NRXN1: variants seen among roughly 807,000 people sequenced by gnomAD.
NRXN1 encodes the protein neurexin 1.
A neutral mutation model predicts 150.9 loss-of-function variants in NRXN1; 39 were observed. The ratio of observed to expected loss-of-function variants is 0.26; its 90% CI spans 0.20 to 0.34. The LOEUF (loss-of-function observed/expected upper bound fraction) is 0.34, where lower values mean the gene tolerates loss of function less well. Among genes scored for constraint, NRXN1 ranks in the 10% least tolerant of loss-of-function variants. The pLI is 1.00. For synonymous variants in NRXN1, 924 were observed against 757.0 expected (o/e 1.22, Z -3.62); for missense variants, 1,815 against 1,949.9 (o/e 0.93, Z 1.30).
intron 18 of NRXN1, among the ~76,000 whole-genome samples, chr2:50,198,536 A>T (rs1300803525): frequency 6.6e-6 from 1 of 152,164 alleles, no homozygotes; most frequent in East Asian, 1.9e-4. Flanking sequence ...ATAGTTCCTT[A>T]AAAGTAGCTA....
chr2:49,969,375 A>G (rs1478987926), intron 21 of NRXN1, among the ~76,000 whole-genome samples: 1 of 152,050 alleles, frequency 6.6e-6, no homozygotes, highest in Non-Finnish European at 1.5e-5. Flanking sequence ...CATTATGTAG[A>G]CAGTTCATAC....
chr2:50,330,814 T>C (rs1050899234), intron 17 of NRXN1, among the ~76,000 whole-genome samples: 3 of 152,194 alleles, frequency 2.0e-5, no homozygotes, highest in Non-Finnish European at 4.4e-5. Flanking sequence ...TAGGTTATTC[T>C]GCGTGTGGGC....
At chr2:50,485,154 G>A (rs555878505) in intron 15 of NRXN1, among the ~76,000 whole-genome samples, 1 of 152,160 alleles carries the variant, frequency 6.6e-6, no homozygotes, top group South Asian at 2.1e-4. Flanking sequence ...AGGATTCAGA[G>A]ACCGTATGTG....
chr2:50,159,618 TATA>T (rs2059239902), intron 18 of NRXN1, among the ~76,000 whole-genome samples: 1 of 152,176 alleles, frequency 6.6e-6, no homozygotes, highest in Non-Finnish European at 1.5e-5. Context: ...AGTGTATTCT[TATA>T]ATAAGCATTG....
intron 21 of NRXN1, among the ~76,000 whole-genome samples, chr2:50,012,754 A>C (rs1338917463): frequency 1.3e-5 from 2 of 152,192 alleles, no homozygotes; most frequent in Non-Finnish European, 2.9e-5. Flanking sequence ...AACAAGAAAA[A>C]GAAGTAGTTG....
At chr2:50,592,128 A>C (rs1674369187) in intron 8 of NRXN1, among the ~76,000 whole-genome samples, 1 of 152,162 alleles carries the variant, frequency 6.6e-6, no homozygotes, top group Admixed American at 6.5e-5. Flanking sequence ...TTTAATCCTC[A>C]CTATAAACTG....
chr2:50,678,148 G>A (rs1689812391), intron 5 of NRXN1, among the ~76,000 whole-genome samples: 1 of 152,108 alleles, frequency 6.6e-6, no homozygotes. Flanking sequence ...CAATGCGTCT[G>A]ATTTTATCAA....
chr2:50,932,313 C>T (rs1375108859), intron 2 of NRXN1, among the ~76,000 whole-genome samples: 1 of 151,888 alleles, frequency 6.6e-6, no homozygotes, highest in African/African-American at 2.4e-5. Context: ...ATCCTTCCTT[C>T]CTGCTCACTT....
At chr2:50,287,952 C>T (rs1300343407) in intron 17 of NRXN1, among the ~76,000 whole-genome samples, 1 of 151,908 alleles carries the variant, frequency 6.6e-6, no homozygotes, top group Non-Finnish European at 1.5e-5. Flanking sequence ...ACAAAGCACC[C>T]TACTGTTGAG....
chr2:50,806,279 A>G (rs1216102609), intron 5 of NRXN1, among the ~76,000 whole-genome samples: 1 of 152,170 alleles, frequency 6.6e-6, no homozygotes, highest in Non-Finnish European at 1.5e-5. Flanking sequence ...GAGAAATTAC[A>G]GTTAAGAAAT....
chr2:50,659,449 C>T (rs907131569), intron 5 of NRXN1, among the ~76,000 whole-genome samples: 1 of 147,954 alleles, frequency 6.8e-6, no homozygotes, highest in East Asian at 2.0e-4. Flanking sequence ...TTCAATATCA[C>T]TTTTTTTTTT....
chr2:50,347,139 C>T lies in NRXN1; in HGVS notation c.3365-110169G>A, dbSNP rs1020309050. 45 of 1,381,944 alleles carry T rather than the reference C, an allele frequency of 3.3e-5. No individual in the cohort carries two copies. The highest frequency in any genetic ancestry group is 7.3e-5 in the African/African-American group (5 of 68,142). The allele number at this position is 1,381,944 out of a possible 1,614,324, so 85.6% of individuals were successfully genotyped here. On this transcript the variant is annotated intron_variant, in intron 17 of 22. Transcript: ENST00000401669. The surrounding 1 kb of genome is among the most constrained non-coding windows in gnomAD (Gnocchi z 4.9). Reference sequence around the variant, plus strand: ...TCCTGGAGTCCGCCGTGCCTAGCACCCCAAACAATCCGAAACATAGCCGAG... The same window carrying T: ...TCCTGGAGTCCGCCGTGCCTAGCACTCCAAACAATCCGAAACATAGCCGAG...
At chr2:50,415,058 T>C (rs2104152808) in intron 17 of NRXN1, among the ~76,000 whole-genome samples, 1 of 152,226 alleles carries the variant, frequency 6.6e-6, no homozygotes, top group East Asian at 1.9e-4. Flanking sequence ...AACATAGTTC[T>C]ACATGAAGGA....
At chr2:50,019,353 A>T (rs1687128210) in intron 21 of NRXN1, 22 of 470,894 alleles carry the variant, frequency 4.7e-5, no homozygotes, top group South Asian at 2.9e-4. Context: ...AGTACTTAAG[A>T]GCTAGGTCGG....
At chr2:49,987,368 G>C (rs1313773875) in intron 21 of NRXN1, among the ~76,000 whole-genome samples, 2 of 152,238 alleles carry the variant, frequency 1.3e-5, no homozygotes, top group East Asian at 3.9e-4. Flanking sequence ...AAGACTTCTA[G>C]ATCATATTTT....
intron 17 of NRXN1, among the ~76,000 whole-genome samples, chr2:50,262,568 T>C (rs1440431744): frequency 6.6e-6 from 1 of 151,976 alleles, no homozygotes; most frequent in Non-Finnish European, 1.5e-5. Context: ...TTAAGATAAT[T>C]CCTACTTAGA....
intron 18 of NRXN1, chr2:50,185,495 C>T (rs1315912391): frequency 6.6e-6 from 1 of 152,016 alleles, no homozygotes; most frequent in Non-Finnish European, 1.5e-5. Flanking sequence ...GGGGCCATGT[C>T]ATTAGTTTTC....
chr2:50,893,692 A>G (rs1574850140), intron 5 of NRXN1, among the ~76,000 whole-genome samples: 1 of 152,210 alleles, frequency 6.6e-6, no homozygotes, highest in Non-Finnish European at 1.5e-5. Context: ...CAGCATATAC[A>G]TTCACAATTA....
chr2:50,451,559 T>C (rs187734341), intron 17 of NRXN1, among the ~76,000 whole-genome samples: 96 of 152,334 alleles, frequency 6.3e-4, no homozygotes, highest in Non-Finnish European at 1.1e-3. Flanking sequence ...GCATCGGTTC[T>C]TCCTCATTTT....
Sources: gnomAD v4.1 joint callset for allele counts (sites outside exome capture counted in the v4.1 genomes callset) on GRCh38, gnomAD v4.1.1 for gene constraint, Gnocchi (gnomAD v3.1) non-coding constraint, MANE v1.5 for transcripts, NCBI Gene and HGNC (gene_info 2026-07-23, HGNC 2026-07-21) for gene names.